LARP6: variants seen among roughly 807,000 people sequenced by gnomAD.
LARP6 encodes la-related protein 6.
In LARP6, 18 loss-of-function variants were observed where a neutral mutation model predicts 32.8. The observed-to-expected ratio is 0.55, with a 90% confidence interval of 0.38 to 0.81. The LOEUF is 0.81. LARP6 is among the 40% of genes least tolerant of loss of function. LARP6 has a pLI of 0.00. For missense variants in LARP6, 598 were observed against 663.1 expected (o/e 0.90, Z 1.08); for synonymous variants, 289 against 267.2 (o/e 1.08, Z -0.80).
chr15:70,851,572 C>T lies in LARP6; in HGVS notation c.200+2317G>A, dbSNP rs1277793524. 1.0e-5 allele frequency: 16 copies of T among 1,571,760 alleles called. No individual in the cohort carries two copies. In the Admixed American group the frequency reaches 1.5e-4, roughly 14 times the overall value. On this transcript the variant is annotated intron_variant, in intron 1 of 2. Coordinates refer to ENST00000299213, the MANE Select transcript of LARP6 (RefSeq NM_018357.4). ...ATCTCACTGTCTAGGGAAGGGGAAA[C>T]ACAAATATCTCAACACCATTGAGTG...
In LARP6 at chr15:70,829,265, A is replaced by T. The variant is rs2141046149; in HGVS notation, c.*2787T>A. On this transcript the variant is annotated 3_prime_UTR_variant, in exon 3 of 3. Coordinates refer to ENST00000299213, the MANE Select transcript of LARP6 (RefSeq NM_018357.4). ...GCAATTCTCCTGCCTCCGCCTCCCAAGTAGCTGGGATTACAGGTGCGTGCC... is the reference window on the plus strand; with the variant it reads ...GCAATTCTCCTGCCTCCGCCTCCCATGTAGCTGGGATTACAGGTGCGTGCC... The T allele has an allele frequency of 6.6e-6, 1 of 152,484 alleles. No individual in the cohort carries two copies. Among genetic ancestry groups the T allele is most frequent in the African/African-American group, 2.4e-5 (1 of 41,544 alleles). 9.4% of individuals were successfully genotyped at this position (152,484 alleles called of 1,614,324 possible). A position where few individuals can be genotyped will look rare whatever the true frequency, so the allele number is the denominator to read the frequency against.
chr15:70,853,311 A>ATTT (rs2032534710), intron 1 of LARP6: 1 of 149,212 alleles, frequency 6.7e-6, no homozygotes, highest in African/African-American at 2.5e-5. Flanking sequence ...GGGCGGAGGA[A>ATTT]GTAAAGCAGC....
intron 1 of LARP6, among the ~76,000 whole-genome samples, chr15:70,845,376 T>C (rs544577734): frequency 1.3e-5 from 2 of 152,298 alleles, no homozygotes; most frequent in East Asian, 3.9e-4. Context: ...TGGTTAGGTA[T>C]TTTGTGGAAT....
Position 70,832,672 on chromosome 15 carries a change from T to C in LARP6, c.856A>G (p.Met286Val), listed in dbSNP as rs754002264. Residue 286 changes from methionine (M) to valine (V), a missense_variant, in exon 3 of 3, where the codon ATG (methionine) becomes GTG (valine). Met to Val is a conservative substitution (Grantham distance 21). Around this residue, in one of 3 missense-constraint regions of LARP6, gnomAD observed 368 missense variants for 397.9 expected, o/e 0.92. Coordinates refer to ENST00000299213, the MANE Select transcript of LARP6 (RefSeq NM_018357.4). ...TTCATACCAATCAGGACAGCTTTCA[T>C]GTTCTCTTTGCCCTGAGATTCTGTG... ...MITESQGKEN[M>V]KAVLIGMKPP... The C allele has an allele frequency of 2.5e-6, 4 of 1,608,246 alleles. No homozygotes were observed. Among genetic ancestry groups the C allele is most frequent in the Non-Finnish European group, 3.4e-6 (4 of 1,178,468 alleles).
At position 70,831,230 on chromosome 15, in the gene LARP6, CT is replaced by C. The variant is rs2032034650; in HGVS notation, c.*821del. Reference sequence around the variant, plus strand: ...ACACCCTCAGTATACGCCAAGCTGCCTTTGCTCAGTAAAATTCCCTGTGATG... The same window carrying C: ...ACACCCTCAGTATACGCCAAGCTGCCTTGCTCAGTAAAATTCCCTGTGATG... On this transcript the variant is annotated 3_prime_UTR_variant, in exon 3 of 3. Coordinates refer to ENST00000299213, the MANE Select transcript of LARP6 (RefSeq NM_018357.4). 6.6e-6 allele frequency: 1 copy of C among 152,252 alleles called. No homozygotes were observed. Among genetic ancestry groups the C allele is most frequent in the Admixed American group, 6.5e-5 (1 of 15,278 alleles). The allele number at this position is 152,252 out of a possible 1,614,324, so 9.4% of individuals were successfully genotyped here.
In LARP6 at chr15:70,833,061, A is replaced by G. The variant is rs778460585; in HGVS notation, c.467T>C (p.Val156Ala). 1 of 1,614,160 alleles carries G rather than the reference A, an allele frequency of 6.2e-7. No individual in the cohort carries two copies. Among genetic ancestry groups the G allele is most frequent in the Admixed American group, 1.7e-5 (1 of 60,016 alleles). ...GTGGTCCTCATTCAACTCAAGGACC[A>G]CTGAATACTTCAAAGCATGTGCTGT... Reference protein sequence around the residue: ...RTTAHALKYSVVLELNEDHRK... With the variant: ...RTTAHALKYSAVLELNEDHRK... Residue 156 changes from valine to alanine, a missense_variant, in exon 3 of 3, where the codon GTG becomes GCG. By Grantham distance (64) the Val-to-Ala change is moderately conservative. Transcript: ENST00000299213.
chr15:70,838,583 TCCTCTC>T (rs2032190916), intron 1 of LARP6, among the ~76,000 whole-genome samples: 1 of 152,114 alleles, frequency 6.6e-6, no homozygotes, highest in African/African-American at 2.4e-5. Flanking sequence ...GTAGACTTCC[TCCTCTC>T]CCTCTCCCTA....
intron 1 of LARP6, chr15:70,851,331 TTTTC>T (rs1240638612): frequency 5.9e-6 from 3 of 509,798 alleles, no homozygotes; most frequent in Admixed American, 4.6e-5. Context: ...TTTTTTCATA[TTTTC>T]TTTATGTTTG....
At chr15:70,844,255 C>T (rs2032310051) in intron 1 of LARP6, among the ~76,000 whole-genome samples, 1 of 152,184 alleles carries the variant, frequency 6.6e-6, no homozygotes, top group African/African-American at 2.4e-5. Flanking sequence ...CCATGCCCGG[C>T]CCTATTTGTG....
chr15:70,832,694 T>C lies in LARP6; in HGVS notation c.834A>G (p.Thr278=), dbSNP rs779011264. 1 of 1,606,402 alleles carries C rather than the reference T, an allele frequency of 6.2e-7. No individual in the cohort carries two copies. The highest frequency in any genetic ancestry group is 8.5e-7 in the Non-Finnish European group (1 of 1,177,366). Residue 278 remains threonine (T), a synonymous_variant, in exon 3 of 3, where the codon ACA becomes ACG. Transcript: ENST00000299213. ...AAIKAHEFMI[T]ESQGKENMKA... is the part of the protein sequence containing the mutation. Reference sequence around the variant, plus strand: ...TCATGTTCTCTTTGCCCTGAGATTCTGTGATCATGAACTCATGGGCTTTGA... The same window carrying C: ...TCATGTTCTCTTTGCCCTGAGATTCCGTGATCATGAACTCATGGGCTTTGA...
At chr15:70,841,244 T>G (rs1018533660) in intron 1 of LARP6, among the ~76,000 whole-genome samples, 1 of 152,200 alleles carries the variant, frequency 6.6e-6, no homozygotes, top group East Asian at 1.9e-4. Context: ...TCTCTAATGC[T>G]TATTCCAGAG....
chr15:70,842,414 C>T (rs1188392771), intron 1 of LARP6, among the ~76,000 whole-genome samples: 2 of 152,072 alleles, frequency 1.3e-5, no homozygotes, highest in Non-Finnish European at 2.9e-5. Flanking sequence ...CCCCTAGCAA[C>T]CTCTACACTT....
At chr15:70,833,225 T>G in intron 2 of LARP6, 109 bp from the exon 3 acceptor site, 21 of 813,262 alleles carry the variant, frequency 2.6e-5, no homozygotes, top group Non-Finnish European at 4.1e-5. Flanking sequence ...CTAGAATCCC[T>G]GTATTCTAGT....
intron 1 of LARP6, among the ~76,000 whole-genome samples, chr15:70,839,437 CA>C (rs10580315): frequency 0.14 from 18,315 of 129,836 alleles, 1,110 homozygotes; most frequent in African/African-American, 0.2. Flanking sequence ...GAGACTGTCT[CA>C]AAAAAAAAAA....
chr15:70,833,633 G>A (rs993763349), intron 2 of LARP6, among the ~76,000 whole-genome samples: 2 of 152,176 alleles, frequency 1.3e-5, no homozygotes, highest in African/African-American at 4.8e-5. Context: ...AAACAGAATA[G>A]TGTCTAGCTC....
In LARP6 at chr15:70,832,703, G is replaced by A. The variant is rs745841476; in HGVS notation, c.825C>T (p.Phe275=). 3 of 1,604,936 alleles carry A rather than the reference G, an allele frequency of 1.9e-6. No homozygotes were observed. In the African/African-American group the frequency reaches 4.0e-5, roughly 22 times the overall value. The part of the protein sequence containing the change: ...EVEAAIKAHE[F]MITESQGKEN... Reference sequence around the variant, plus strand: ...CTTTGCCCTGAGATTCTGTGATCATGAACTCATGGGCTTTGATGGCTGCTT... The same window carrying A: ...CTTTGCCCTGAGATTCTGTGATCATAAACTCATGGGCTTTGATGGCTGCTT... The change falls in exon 3 of 3, where the codon TTC becomes TTT. Residue 275 remains phenylalanine, a synonymous_variant. Transcript: ENST00000299213.
At chr15:70,839,730 C>T (rs1268501815) in intron 1 of LARP6, among the ~76,000 whole-genome samples, 1 of 152,098 alleles carries the variant, frequency 6.6e-6, no homozygotes, top group Non-Finnish European at 1.5e-5. Context: ...CTACAGGCGC[C>T]CACCACCACG....
At chr15:70,853,217 C>CA (rs942203042) in intron 1 of LARP6, 1 of 123,822 alleles carries the variant, frequency 8.1e-6, no homozygotes, top group Non-Finnish European at 1.7e-5. Context: ...CAGGAACACC[C>CA]CCCCCCCGCC....
At position 70,830,990 on chromosome 15, in the gene LARP6, G is replaced by A. The variant is rs976654208; in HGVS notation, c.*1062C>T. On this transcript the variant is annotated 3_prime_UTR_variant, in exon 3 of 3. Transcript: ENST00000299213. ...CCTTCCCAAGGTCACAAAATAGTGA[G>A]AGATTGGGGGTCAAATGGACTGACC... The A allele has an allele frequency of 5.3e-5, 8 of 152,248 alleles. No individual in the cohort carries two copies. The highest frequency in any genetic ancestry group is 1.2e-4 in the Non-Finnish European group (8 of 68,056). 9.4% of individuals were successfully genotyped at this position (152,248 alleles called of 1,614,324 possible).
Sources: gnomAD v4.1 joint callset for allele counts (sites outside exome capture counted in the v4.1 genomes callset) on GRCh38, gnomAD v4.1.1 for gene constraint, gnomAD v4.1.1 regional missense constraint, MANE v1.5 for transcripts, NCBI Gene and HGNC (gene_info 2026-07-23, HGNC 2026-07-21) for gene names.